Variants in GALNT13 observed in about 807,000 individuals in gnomAD.
GALNT13 encodes UDP-GalNAc:polypeptide N-acetylgalactosaminyltransferase 13.
A neutral mutation model predicts 64.2 loss-of-function variants in GALNT13; 28 were observed. That is an observed-to-expected ratio of 0.44 (90% CI 0.32 to 0.60). The LOEUF (loss-of-function observed/expected upper bound fraction) is 0.60. GALNT13 is among the 20% of genes least tolerant of loss of function. The pLI is 0.05. For missense variants in GALNT13, 577 were observed against 669.8 expected, an observed-to-expected ratio of 0.86 and a Z score of 1.53; for synonymous variants, 214 against 224.6, an observed-to-expected ratio of 0.95 and a Z score of 0.42.
At chr2:153,121,679 C>T in the GALNT13 span, among the ~76,000 whole-genome samples, 42 of 152,088 alleles carry the variant, frequency 2.8e-4, no homozygotes, top group Non-Finnish European at 5.0e-4. Context: ...CAGGCACCCA[C>T]GACCATGCCT....
intron 2 of GALNT13, among the ~76,000 whole-genome samples, chr2:153,939,091 G>C (rs924334402): frequency 2.6e-5 from 4 of 152,178 alleles, no homozygotes; most frequent in African/African-American, 9.7e-5. Flanking sequence ...TAAATTGGGG[G>C]TGATAATTGC....
At chr2:153,318,334 TC>T in the GALNT13 span, among the ~76,000 whole-genome samples, 1 of 152,146 alleles carries the variant, frequency 6.6e-6, no homozygotes, top group Non-Finnish European at 1.5e-5. Context: ...AATAAAGGTG[TC>T]CCATTCCTCT....
At chr2:154,093,500 A>C (rs1247296398) in intron 3 of GALNT13, among the ~76,000 whole-genome samples, 3 of 152,066 alleles carry the variant, frequency 2.0e-5, no homozygotes, top group African/African-American at 7.2e-5. Flanking sequence ...GTGAGTGTCC[A>C]GCATACTGTG....
chr2:153,071,987 C>G, the GALNT13 span, among the ~76,000 whole-genome samples: 1 of 152,236 alleles, frequency 6.6e-6, no homozygotes, highest in South Asian at 2.1e-4. Context: ...GTAACTAGCT[C>G]GTCTCTGTTT....
the GALNT13 span, among the ~76,000 whole-genome samples, chr2:153,337,463 A>C: frequency 6.6e-6 from 1 of 152,220 alleles, no homozygotes; most frequent in African/African-American, 2.4e-5. Flanking sequence ...AATTATGTAA[A>C]ATCTATAACA....
At chr2:153,168,304 C>A in the GALNT13 span, among the ~76,000 whole-genome samples, 3 of 152,150 alleles carry the variant, frequency 2.0e-5, no homozygotes, top group Non-Finnish European at 2.9e-5. Flanking sequence ...CAATGCTTAA[C>A]GTTGACTAAT....
intron 4 of GALNT13, among the ~76,000 whole-genome samples, chr2:154,198,541 C>G (rs537404864): frequency 6.6e-6 from 1 of 151,804 alleles, no homozygotes; most frequent in Admixed American, 6.6e-5. Flanking sequence ...CATCCTGGAA[C>G]AGAAAATTTG....
intron 2 of GALNT13, among the ~76,000 whole-genome samples, chr2:153,929,927 G>A (rs1339435224): frequency 6.6e-6 from 1 of 152,068 alleles, no homozygotes; most frequent in Non-Finnish European, 1.5e-5. Flanking sequence ...TCTTCAAAAC[G>A]TTTTCCCCAT....
chr2:153,143,757 A>G, the GALNT13 span, among the ~76,000 whole-genome samples: 1 of 152,004 alleles, frequency 6.6e-6, no homozygotes, highest in Non-Finnish European at 1.5e-5. Flanking sequence ...AGAAAGCCCA[A>G]AAGATTACTT....
chr2:153,359,894 G>A, the GALNT13 span, among the ~76,000 whole-genome samples: 1 of 152,264 alleles, frequency 6.6e-6, no homozygotes, highest in South Asian at 2.1e-4. Flanking sequence ...TACGAGAAAT[G>A]AAAAATATGA....
chr2:153,518,758 G>C, the GALNT13 span, among the ~76,000 whole-genome samples: 3 of 152,092 alleles, frequency 2.0e-5, no homozygotes, highest in Non-Finnish European at 2.9e-5. Context: ...TTCTATAAAT[G>C]TTTAGTGGGT....
At chr2:153,184,309 G>A in the GALNT13 span, among the ~76,000 whole-genome samples, 1 of 152,142 alleles carries the variant, frequency 6.6e-6, no homozygotes, top group Non-Finnish European at 1.5e-5. Flanking sequence ...AGCAATTTTT[G>A]CACATCAATT....
the GALNT13 span, among the ~76,000 whole-genome samples, chr2:153,237,575 C>T: frequency 6.6e-6 from 1 of 151,950 alleles, no homozygotes; most frequent in Non-Finnish European, 1.5e-5. Context: ...TGAGAACATG[C>T]AAAGGTTTTC....
At chr2:154,261,788 C>T (rs964018748) in intron 8 of GALNT13, among the ~76,000 whole-genome samples, 2 of 151,852 alleles carry the variant, frequency 1.3e-5, no homozygotes, top group Non-Finnish European at 2.9e-5. Context: ...TTTTTTGTCT[C>T]TGTCATGTGA....
chr2:153,348,217 G>A, the GALNT13 span, among the ~76,000 whole-genome samples: 6 of 152,156 alleles, frequency 3.9e-5, no homozygotes, highest in African/African-American at 1.4e-4. Context: ...ACCACCAGAC[G>A]TGCACGTTTC....
chr2:153,701,905 G>A, the GALNT13 span, among the ~76,000 whole-genome samples: 3 of 152,060 alleles, frequency 2.0e-5, no homozygotes, highest in South Asian at 2.1e-4. Flanking sequence ...GTTCAACCAC[G>A]GTGGAAGATA....
At chr2:154,139,292 A>G (rs1386033819) in intron 3 of GALNT13, among the ~76,000 whole-genome samples, 2 of 152,016 alleles carry the variant, frequency 1.3e-5, no homozygotes, top group African/African-American at 2.4e-5. Context: ...TTTAGAATTT[A>G]TGTTTTTAAT....
intron 3 of GALNT13, among the ~76,000 whole-genome samples, chr2:154,057,324 C>T (rs79443583): frequency 0.05 from 7,617 of 152,220 alleles, 376 homozygotes; most frequent in African/African-American, 0.12. Flanking sequence ...CCACCACGCC[C>T]GGCCCTAAAC....
Position 154,318,061 on chromosome 2 carries a change from G to C in GALNT13, c.1156+16472G>C, listed in dbSNP as rs3856385. The stretch of plus-strand genomic sequence containing the variant: ...CTTTCTTTAAAATACTACCCAAAAA[G>C]AGGTAATTAATTAAAAATACGCTAT... On this transcript the variant is annotated intron_variant, in intron 9 of 12. Transcript: ENST00000392825. Among the ~76,000 whole-genome samples, 324 of 152,156 alleles carry C rather than the reference G, an allele frequency of 2.1e-3. 3 individuals are homozygous for C. The highest frequency in any genetic ancestry group is 4.0e-3 in the Non-Finnish European group (269 of 68,008).
Sources: allele counts gnomAD v4.1 joint callset (sites outside exome capture counted in the v4.1 genomes callset), GRCh38; gene constraint gnomAD v4.1.1; transcripts MANE v1.5; gene names NCBI Gene and HGNC (gene_info 2026-07-23, HGNC 2026-07-21).